The following DIPK2B variants were observed in gnomAD, a reference collection of about 807,000 sequenced individuals.
The protein encoded by DIPK2B is divergent protein kinase domain 2B, also known as UPF0672 protein CXorf36.
In DIPK2B, 15 loss-of-function variants were observed where a neutral mutation model predicts 22.2. The observed-to-expected ratio is 0.68, with a 90% CI of 0.45 to 1.04. The LOEUF is 1.04. Among genes scored for constraint, DIPK2B ranks in the 50% least tolerant of loss-of-function variants. The probability of loss-of-function intolerance (pLI) is 0.00; values close to 1 mark genes in which losing one functional copy is unlikely to be tolerated. For missense variants in DIPK2B, 345 were observed against 348.3 expected, an observed-to-expected ratio of 0.99 and a Z score of 0.08; for synonymous variants, 163 against 153.2, an observed-to-expected ratio of 1.06 and a Z score of -0.47.
intron 1 of DIPK2B, among the ~76,000 whole-genome samples, chrX:45,193,525 A>C (rs2047223048): frequency 8.9e-6 from 1 of 111,769 alleles, no homozygotes; most frequent in Non-Finnish European, 1.9e-5. Flanking sequence ...AAAAATTACA[A>C]GGGCAAAGAG....
At position 45,151,676 on chromosome X, in the gene DIPK2B, A is replaced by G. The variant is rs899369253; in HGVS notation, c.1278T>C (p.Asp426=). The part of the protein sequence containing the change: ...CDSRFAYRYP[D]CKYNDKF ...TTCAGAACTTATCGTTATATTTGCA[A>G]TCTGGGTAACGATAGGCAAATCTGG... Residue 426 remains aspartate (D), a synonymous_variant, in exon 5 of 5, where the codon GAT becomes GAC. Transcript: ENST00000398000. 2.5e-6 allele frequency: 3 copies of G among 1,211,331 alleles called. No homozygotes were observed. Among genetic ancestry groups the G allele is most frequent in the East Asian group, 3.0e-5 (1 of 33,840 alleles).
rs2046962279 is a variant in DIPK2B at position 45,151,722 on chromosome X, C to T, written c.1232G>A (p.Arg411Lys). 4.1e-6 allele frequency: 5 copies of T among 1,211,934 alleles called. No homozygotes were observed. The highest frequency in any genetic ancestry group is 5.6e-6 in the Non-Finnish European group (5 of 895,508). ...GAASQLKDIL[R>K]PLRTCDSRFA... is the part of the protein sequence containing the mutation. ...TCTGGAGTCACACGTTCTCAGGGGC[C>T]TCAAGATGTCTTTCAGCTGGCTGGC... The change falls in exon 5 of 5, where the codon AGG (arginine) becomes AAG (lysine). Residue 411 changes from arginine to lysine, a missense_variant. By Grantham distance (26) the Arg-to-Lys change is conservative (BLOSUM62 2). Coordinates refer to ENST00000398000, the MANE Select transcript of DIPK2B (RefSeq NM_176819.4).
intron 2 of DIPK2B, among the ~76,000 whole-genome samples, chrX:45,165,703 C>A (rs1203470479): frequency 9.0e-6 from 1 of 111,367 alleles, no homozygotes; most frequent in African/African-American, 3.3e-5. Flanking sequence ...AGCTATTTAC[C>A]ATGCTAAAAT....
At chrX:45,174,865 G>C (rs2047107874) in intron 2 of DIPK2B, among the ~76,000 whole-genome samples, 1 of 111,757 alleles carries the variant, frequency 8.9e-6, no homozygotes, top group Non-Finnish European at 1.9e-5. Context: ...TTTGGAGGGA[G>C]TTAAATTCAA....
intron 1 of DIPK2B, among the ~76,000 whole-genome samples, chrX:45,194,028 G>A (rs1299163231): frequency 1.8e-5 from 2 of 111,795 alleles, no homozygotes; most frequent in Non-Finnish European, 3.8e-5. Context: ...AAGTGTGCCA[G>A]TCACTTTACT....
rs2148331607 is a variant in DIPK2B at position 45,151,162 on chromosome X, A to T, written c.*490T>A. ...GGGGGCCCCTCTTGTCCGAGTCTAA[A>T]GTGGTAGTGGCAGGGAGCCTGTCCT... is the stretch of plus-strand genomic sequence containing the variant. On this transcript the variant is annotated 3_prime_UTR_variant, in exon 5 of 5. Transcript: ENST00000398000. The T allele has an allele frequency of 8.7e-6, 1 of 115,014 alleles. No individual in the cohort carries two copies. The highest frequency in any genetic ancestry group is 3.6e-4 in the South Asian group (1 of 2,747). The allele number at this position is 115,014 out of a possible 1,213,427, so 9.5% of individuals were successfully genotyped here.
At chrX:45,155,134 A>C (rs936913107) in intron 3 of DIPK2B, among the ~76,000 whole-genome samples, 2 of 109,775 alleles carry the variant, frequency 1.8e-5, no homozygotes, top group Admixed American at 1.9e-4. Flanking sequence ...CTAAAAGTGC[A>C]AAGATCGGCC....
intron 2 of DIPK2B, 87 bp from the exon 3 acceptor site, chrX:45,157,975 A>T: frequency 1.0e-5 from 1 of 97,251 alleles, no homozygotes; most frequent in African/African-American, 6.1e-5. Flanking sequence ...GAATGGGCAG[A>T]TCCTGCTGTT....
intron 2 of DIPK2B, among the ~76,000 whole-genome samples, chrX:45,159,212 G>A (rs1036415453): frequency 1.8e-5 from 2 of 111,330 alleles, no homozygotes; most frequent in African/African-American, 6.5e-5. Flanking sequence ...GGTATCTCTG[G>A]GAGAGATAGG....
chrX:45,174,157 G>A (rs2047103524), intron 2 of DIPK2B, among the ~76,000 whole-genome samples: 2 of 111,465 alleles, frequency 1.8e-5, no homozygotes, highest in African/African-American at 6.5e-5. Context: ...ATGGTCCTTC[G>A]GGACCATTGC....
At chrX:45,164,245 C>T in intron 2 of DIPK2B, 1 of 1,198,749 alleles carries the variant, frequency 8.3e-7, no homozygotes, top group Non-Finnish European at 1.1e-6. Context: ...GCCCTGGTGA[C>T]AGTCCTGAAA....
At chrX:45,154,283 C>CTATT in intron 3 of DIPK2B, 85 bp from the exon 4 acceptor site, 3 of 458,440 alleles carry the variant, frequency 6.5e-6, no homozygotes, top group South Asian at 7.4e-5. Context: ...ATCTCCCTAT[C>CTATT]TATCTATCTA....
Position 45,192,028 on chromosome X carries a change from T to C in DIPK2B, c.234-13A>G, listed in dbSNP as rs947918308. 2.5e-6 allele frequency: 3 copies of C among 1,197,246 alleles called. No individual in the cohort carries two copies. The highest frequency in any genetic ancestry group is 2.3e-5 in the Admixed American group (1 of 44,231). ...CCAGTTGTCAGATCTGTTGGAAGAA[T>C]AGCCCTTTGAGGATTGGCCTGTGAG... On this transcript the variant is annotated splice_polypyrimidine_tract_variant and intron_variant, in intron 1 of 4. Transcript: ENST00000398000.
chrX:45,164,085 G>C (rs768175030), intron 2 of DIPK2B: 1 of 1,033,956 alleles, frequency 9.7e-7, no homozygotes, highest in Non-Finnish European at 1.2e-6. Context: ...TGATGCAGAA[G>C]CCTCTTTAAT....
At chrX:45,174,800 T>G (rs1246272468) in intron 2 of DIPK2B, among the ~76,000 whole-genome samples, 1 of 111,450 alleles carries the variant, frequency 9.0e-6, no homozygotes, top group East Asian at 2.8e-4. Flanking sequence ...CGCATAATGT[T>G]GTAGGCAAAG....
chrX:45,165,705 T>C (rs73206208), intron 2 of DIPK2B, among the ~76,000 whole-genome samples: 17,956 of 111,076 alleles, frequency 0.16, 1,347 homozygotes, highest in Middle Eastern at 0.31. Context: ...CTATTTACCA[T>C]GCTAAAATAG....
intron 2 of DIPK2B, among the ~76,000 whole-genome samples, chrX:45,181,760 G>C (rs1304903782): frequency 2.7e-5 from 3 of 111,945 alleles, no homozygotes; most frequent in Non-Finnish European, 3.8e-5. Flanking sequence ...AGAAGTAAAC[G>C]AGAGAATATC....
chrX:45,196,150 AC>A (rs2047238222), intron 1 of DIPK2B, among the ~76,000 whole-genome samples: 1 of 112,226 alleles, frequency 8.9e-6, no homozygotes, highest in Non-Finnish European at 1.9e-5. Flanking sequence ...TCAACACTTT[AC>A]AGGTGGATGG....
chrX:45,181,554 CATGT>C (rs1488086735), intron 2 of DIPK2B, among the ~76,000 whole-genome samples: 1 of 111,676 alleles, frequency 9.0e-6, no homozygotes, highest in African/African-American at 3.3e-5. Context: ...CAGATTCACT[CATGT>C]ATAGTCATCT....
Sources: gnomAD v4.1 joint callset for allele counts (sites outside exome capture counted in the v4.1 genomes callset) on GRCh38, gnomAD v4.1.1 for gene constraint, MANE v1.5 for transcripts, NCBI Gene and HGNC (gene_info 2026-07-23, HGNC 2026-07-21) for gene names.